The following KIF5C variants were observed in gnomAD, a reference collection of about 807,000 sequenced individuals.
The protein encoded by KIF5C is kinesin heavy chain isoform 5C.
Under a neutral mutation model 125.2 loss-of-function variants are expected in KIF5C, and 18 were observed. That is an observed-to-expected ratio of 0.14 (90% CI 0.10 to 0.21). The LOEUF (loss-of-function observed/expected upper bound fraction) is 0.21. Among genes scored for constraint, KIF5C ranks in the 10% least tolerant of loss-of-function variants. The pLI is 1.00. For missense variants in KIF5C, 780 were observed against 1,183.8 expected (o/e 0.66, Z 5.01); for synonymous variants, 405 against 434.0 (o/e 0.93, Z 0.83).
At chr2:148,940,574 A>G (rs1682386679) in intron 4 of KIF5C, among the ~76,000 whole-genome samples, 1 of 152,270 alleles carries the variant, frequency 6.6e-6, no homozygotes, top group Non-Finnish European at 1.5e-5. Context: ...CAGAGCTGGG[A>G]TGTAGGGATG....
chr2:148,957,071 C>T (rs1682808034), intron 10 of KIF5C, among the ~76,000 whole-genome samples: 1 of 152,216 alleles, frequency 6.6e-6, no homozygotes, highest in African/African-American at 2.4e-5. Flanking sequence ...TTCTGCTAGA[C>T]AAAATCACAA....
chr2:148,888,862 T>C (rs998905433), intron 1 of KIF5C: 1 of 152,126 alleles, frequency 6.6e-6, no homozygotes, highest in Non-Finnish European at 1.5e-5. Context: ...ATATACTCCA[T>C]AAACAGTTTC....
intron 1 of KIF5C, among the ~76,000 whole-genome samples, chr2:148,916,930 C>T (rs1181698714): frequency 1.3e-5 from 2 of 152,124 alleles, no homozygotes; most frequent in African/African-American, 4.8e-5. Context: ...CTCTCCTGAT[C>T]TTTCTTTATT....
Position 148,971,266 on chromosome 2 carries a change from A to ATCTGTCTGTCTGTCTG in KIF5C, c.1118-2058_1118-2043dup, listed in dbSNP as rs10569710. Among the ~76,000 whole-genome samples the ATCTGTCTGTCTGTCTG allele has an allele frequency of 2.0e-5, 3 of 146,868 alleles. No homozygotes were observed. In the Middle Eastern group the frequency reaches 0.01, roughly 500 times the overall value. On this transcript the variant is annotated intron_variant, in intron 11 of 25. Coordinates refer to ENST00000435030, the MANE Select transcript of KIF5C (RefSeq NM_004522.3). ...TCCTGAATTATTGTGTGATTAGAAA[A>ATCTGTCTGTCTGTCTG]TCTGTCTGTCTGTCTGTCTGTCTGT... is the stretch of plus-strand genomic sequence containing the variant.
chr2:149,012,910 C>T (rs1042671655), intron 25 of KIF5C, among the ~76,000 whole-genome samples: 1 of 152,194 alleles, frequency 6.6e-6, no homozygotes, highest in East Asian at 1.9e-4. Flanking sequence ...TTGTCAGTAT[C>T]GAGGCTGATA....
rs1682620742 is a variant in KIF5C at position 148,949,999 on chromosome 2, G to A, written c.819+56G>A. On this transcript the variant is annotated intron_variant, in intron 9 of 25. Transcript: ENST00000435030. ...ATATTATGAGAAACCACCTTTTGGG[G>A]CCTCATAGTCCCTTTGCCACACACC... 5.1e-6 allele frequency: 8 copies of A among 1,562,698 alleles called. No individual in the cohort carries two copies. In the South Asian group the frequency reaches 5.9e-5, roughly 12 times the overall value.
At chr2:148,948,117 G>A (rs763326122) in intron 8 of KIF5C, among the ~76,000 whole-genome samples, 2 of 151,918 alleles carry the variant, frequency 1.3e-5, no homozygotes, top group African/African-American at 2.4e-5. Context: ...GGAGGCCGAG[G>A]TGGGCGGATC....
chr2:148,995,384 C>T (rs890161835), intron 17 of KIF5C, among the ~76,000 whole-genome samples: 17 of 152,202 alleles, frequency 1.1e-4, no homozygotes, highest in African/African-American at 3.9e-4. Flanking sequence ...AAGCTCTACC[C>T]TTTGCCAGCC....
chr2:148,981,617 A>G lies in KIF5C; in HGVS notation c.1569+56A>G, dbSNP rs567428184. On this transcript the variant is annotated intron_variant, in intron 14 of 25. Coordinates refer to ENST00000435030, the MANE Select transcript of KIF5C (RefSeq NM_004522.3). ...TTCCTTGGCTGCCGTTCCTGTACTC[A>G]TATTGATATTCATTGACAGACATGG... 3.3e-4 allele frequency: 502 copies of G among 1,506,468 alleles called. 1 individual carries two copies. In the African/African-American group the frequency reaches 4.6e-3, roughly 14 times the overall value. The allele number at this position is 1,506,468 out of a possible 1,614,324, so 93.3% of individuals were successfully genotyped here.
At chr2:148,934,427 A>G (rs1682247258) in intron 3 of KIF5C, among the ~76,000 whole-genome samples, 1 of 151,080 alleles carries the variant, frequency 6.6e-6, no homozygotes, top group Non-Finnish European at 1.5e-5. Flanking sequence ...ACCAGATACC[A>G]CACATTGTAT....
intron 1 of KIF5C, among the ~76,000 whole-genome samples, chr2:148,899,165 T>G (rs979065548): frequency 6.6e-6 from 1 of 152,208 alleles, no homozygotes; most frequent in Non-Finnish European, 1.5e-5. Context: ...AGTTCTTTCG[T>G]CATCGAACAC....
intron 16 of KIF5C, 61 bp downstream of exon 16, chr2:148,991,259 C>G (rs1349710862): frequency 1.3e-6 from 2 of 1,553,306 alleles, no homozygotes; most frequent in Non-Finnish European, 1.7e-6. Context: ...TCCCTCCATG[C>G]CCTTGCTGGT....
chr2:148,918,929 T>A (rs143924137), intron 1 of KIF5C, among the ~76,000 whole-genome samples: 61 of 152,292 alleles, frequency 4.0e-4, no homozygotes, highest in African/African-American at 1.3e-3. Context: ...TAAGTTTGCA[T>A]GGTATAGATG....
At chr2:148,999,582 T>C (rs1681788772) in intron 19 of KIF5C, among the ~76,000 whole-genome samples, 1 of 152,250 alleles carries the variant, frequency 6.6e-6, no homozygotes, top group Non-Finnish European at 1.5e-5. Flanking sequence ...CATCCCCTGC[T>C]GTTGCCATGT....
intron 21 of KIF5C, among the ~76,000 whole-genome samples, chr2:149,004,798 A>G (rs1681957755): frequency 6.6e-6 from 1 of 152,158 alleles, no homozygotes; most frequent in Non-Finnish European, 1.5e-5. Flanking sequence ...TTTTATTCTC[A>G]TGTTACCAAT....
chr2:148,955,390 G>A (rs940190131), intron 10 of KIF5C, among the ~76,000 whole-genome samples: 1 of 152,112 alleles, frequency 6.6e-6, no homozygotes, highest in Non-Finnish European at 1.5e-5. Context: ...TAATAAGGGC[G>A]AGCATCATCC....
At chr2:148,931,490 A>G (rs1682184926) in intron 3 of KIF5C, among the ~76,000 whole-genome samples, 2 of 151,640 alleles carry the variant, frequency 1.3e-5, no homozygotes, top group Admixed American at 1.3e-4. Flanking sequence ...GCGAAACCCC[A>G]TCTCTACTAA....
intron 15 of KIF5C, among the ~76,000 whole-genome samples, chr2:148,984,255 C>T (rs1227494352): frequency 6.6e-5 from 10 of 152,248 alleles, no homozygotes; most frequent in Non-Finnish European, 1.5e-4. Context: ...AATCTTGCCA[C>T]TCAGGGTGTG....
At chr2:148,880,950 C>T (rs1184714146) in intron 1 of KIF5C, among the ~76,000 whole-genome samples, 1 of 146,976 alleles carries the variant, frequency 6.8e-6, no homozygotes, top group Non-Finnish European at 1.5e-5. Flanking sequence ...TAAAAAAAAA[C>T]CTAGTTTTTT....
Sources: gnomAD v4.1 joint callset for allele counts (sites outside exome capture counted in the v4.1 genomes callset) on GRCh38, gnomAD v4.1.1 for gene constraint, MANE v1.5 for transcripts, NCBI Gene and HGNC (gene_info 2026-07-23, HGNC 2026-07-21) for gene names.